Variants in SGIP1 observed in about 807,000 individuals in gnomAD.
SGIP1 encodes SH3-containing GRB2-like protein 3-interacting protein 1.
In SGIP1, 38 loss-of-function variants were observed where a neutral mutation model predicts 107.5. The ratio of observed to expected loss-of-function variants is 0.35; its 90% CI spans 0.27 to 0.46. SGIP1 has a LOEUF of 0.46. Ranked by LOEUF, SGIP1 falls within the 20% of genes least tolerant of loss-of-function variation. The probability of loss-of-function intolerance (pLI) is 1.00; values close to 1 mark genes in which losing one functional copy is unlikely to be tolerated. For missense variants in SGIP1, 929 were observed against 1,019.5 expected, an observed-to-expected ratio of 0.91 and a Z score of 1.21; for synonymous variants, 365 against 366.1, an observed-to-expected ratio of 1.00 and a Z score of 0.03.
intron 1 of SGIP1, among the ~76,000 whole-genome samples, chr1:66,540,720 G>A (rs1429252658): frequency 1.3e-5 from 2 of 152,206 alleles, no homozygotes; most frequent in African/African-American, 4.8e-5. Flanking sequence ...TGTGTTAGCT[G>A]ATTTTATGCA....
chr1:66,597,048 G>A (rs141094126), intron 1 of SGIP1, among the ~76,000 whole-genome samples: 2,018 of 152,230 alleles, frequency 0.013, 34 homozygotes, highest in Non-Finnish European at 0.024. Flanking sequence ...CAGAAAACTG[G>A]TTTAAAAAAT....
chr1:66,558,712 G>C (rs7519639), intron 1 of SGIP1, among the ~76,000 whole-genome samples: 1 of 151,376 alleles, frequency 6.6e-6, no homozygotes, highest in African/African-American at 2.4e-5. Flanking sequence ...TTGTGGGTTA[G>C]CTTAGCCTTC....
intron 1 of SGIP1, among the ~76,000 whole-genome samples, chr1:66,547,669 G>A (rs895568409): frequency 9.2e-5 from 14 of 152,240 alleles, no homozygotes; most frequent in Admixed American, 7.2e-4. Context: ...AGACACAGGC[G>A]AGCAAGACAC....
chr1:66,619,098 T>C (rs577694779), intron 1 of SGIP1, among the ~76,000 whole-genome samples: 3 of 152,288 alleles, frequency 2.0e-5, no homozygotes, highest in African/African-American at 7.2e-5. Flanking sequence ...TTACCTCCTC[T>C]TCTTAAAGCT....
At chr1:66,740,359 A>G (rs553099667) in intron 22 of SGIP1, among the ~76,000 whole-genome samples, 3 of 65,872 alleles carry the variant, frequency 4.6e-5, no homozygotes, top group Non-Finnish European at 8.8e-5. Flanking sequence ...TAATTAATTG[A>G]TTAACACTCC....
chr1:66,707,186 T>G (rs891609497), intron 18 of SGIP1, among the ~76,000 whole-genome samples: 1 of 152,136 alleles, frequency 6.6e-6, no homozygotes, highest in Non-Finnish European at 1.5e-5. Context: ...TTTTCACAAC[T>G]TTTTGGGCAC....
chr1:66,668,216 G>A (rs1251580227), intron 9 of SGIP1, among the ~76,000 whole-genome samples: 1 of 151,908 alleles, frequency 6.6e-6, no homozygotes, highest in African/African-American at 2.4e-5. Flanking sequence ...TTCTGTGACG[G>A]ATCTCGCTCT....
intron 1 of SGIP1, among the ~76,000 whole-genome samples, chr1:66,606,013 G>A (rs899758655): frequency 6.6e-6 from 1 of 152,062 alleles, no homozygotes; most frequent in Admixed American, 6.5e-5. Flanking sequence ...CTTTTCATCT[G>A]GGGAAGATCT....
chr1:66,577,756 CTGTGTGTGTGTGTGTGTGTGTGTG>C (rs6143251), intron 1 of SGIP1, among the ~76,000 whole-genome samples: 3 of 144,984 alleles, frequency 2.1e-5, no homozygotes, highest in African/African-American at 7.6e-5. Flanking sequence ...TAATGCAGTC[CTGTGTGTGTGTGTGTGTGTGTGTG>C]TGTGTGTGTG....
At chr1:66,724,729 C>A (rs1449421324) in intron 19 of SGIP1, among the ~76,000 whole-genome samples, 1 of 152,116 alleles carries the variant, frequency 6.6e-6, no homozygotes, top group Non-Finnish European at 1.5e-5. Context: ...TAAATGCCAC[C>A]TCCTCCCCTG....
chr1:66,697,839 A>T (rs890274010), intron 18 of SGIP1, among the ~76,000 whole-genome samples: 1 of 152,086 alleles, frequency 6.6e-6, no homozygotes, highest in Admixed American at 6.5e-5. Flanking sequence ...CTGCAAAAAC[A>T]TTTTCCTTCA....
At chr1:66,640,607 G>T (rs867117499) in intron 5 of SGIP1, among the ~76,000 whole-genome samples, 30 of 152,156 alleles carry the variant, frequency 2.0e-4, no homozygotes, top group Admixed American at 5.9e-4. Flanking sequence ...AGAACATGTG[G>T]CTGAGAGGGG....
intron 18 of SGIP1, among the ~76,000 whole-genome samples, chr1:66,716,457 T>C (rs1334145877): frequency 1.3e-5 from 2 of 152,192 alleles, no homozygotes; most frequent in Non-Finnish European, 2.9e-5. Context: ...TTTATCTTTT[T>C]TCCTAAGAAA....
intron 1 of SGIP1, among the ~76,000 whole-genome samples, chr1:66,553,914 C>T (rs991142295): frequency 3.3e-5 from 5 of 151,994 alleles, no homozygotes; most frequent in Admixed American, 3.3e-4. Flanking sequence ...GGTTGGCATC[C>T]AAGTTTAGAA....
Position 66,683,790 on chromosome 1 carries a change from C to T in SGIP1, c.1315+1421C>T, listed in dbSNP as rs539186849. Among the ~76,000 whole-genome samples the T allele has an allele frequency of 1.6e-4, 24 of 145,644 alleles. No individual in the cohort carries two copies. In the South Asian group the frequency reaches 3.4e-3, roughly 21 times the overall value. ...GTACATCTCAGCTCACTGTAACCTC[C>T]GCCTCCGGGTTCAAGCAATTCTCCT... is the stretch of plus-strand genomic sequence containing the variant. On this transcript the variant is annotated intron_variant, in intron 15 of 24. Transcript: ENST00000371037.
intron 7 of SGIP1, among the ~76,000 whole-genome samples, chr1:66,653,310 T>A (rs2079106926): frequency 6.6e-6 from 1 of 152,214 alleles, no homozygotes; most frequent in Admixed American, 6.5e-5. Context: ...TTACTGATTT[T>A]TTTTTCCCTA....
At chr1:66,724,154 C>T (rs926622766) in intron 19 of SGIP1, among the ~76,000 whole-genome samples, 5 of 152,190 alleles carry the variant, frequency 3.3e-5, no homozygotes, top group African/African-American at 1.2e-4. Flanking sequence ...TGACCTCACA[C>T]ATTCCCTGAA....
intron 3 of SGIP1, chr1:66,633,978 G>T (rs1167481672): frequency 4.2e-6 from 4 of 955,912 alleles, no homozygotes; most frequent in Non-Finnish European, 4.8e-6. Flanking sequence ...TCTTAGCTTT[G>T]GGGCGCCTTT....
chr1:66,595,097 C>T (rs539348946), intron 1 of SGIP1, among the ~76,000 whole-genome samples: 2 of 152,296 alleles, frequency 1.3e-5, no homozygotes, highest in South Asian at 4.1e-4. Context: ...GAGCTCCTCA[C>T]CTGAACCATG....
Sources: gnomAD v4.1 joint callset for allele counts (sites outside exome capture counted in the v4.1 genomes callset) on GRCh38, gnomAD v4.1.1 for gene constraint, MANE v1.5 for transcripts, NCBI Gene and HGNC (gene_info 2026-07-23, HGNC 2026-07-21) for gene names.